The following SPOCK1 variants were observed in gnomAD, a reference collection of about 807,000 sequenced individuals.
SPOCK1 encodes the protein SPARC (osteonectin), cwcv and kazal like domains proteoglycan 1, also known as testican-1.
A neutral mutation model predicts 55.3 loss-of-function variants in SPOCK1; 23 were observed. The ratio of observed to expected loss-of-function variants is 0.42; its 90% CI spans 0.30 to 0.59. The LOEUF (loss-of-function observed/expected upper bound fraction) is 0.59, where lower values mean the gene tolerates loss of function less well. SPOCK1 is among the 20% of genes least tolerant of loss of function. The probability of loss-of-function intolerance (pLI) is 0.22; values close to 1 mark genes in which losing one functional copy is unlikely to be tolerated. For missense variants in SPOCK1, 499 were observed against 552.5 expected (o/e 0.90, Z 0.97); for synonymous variants, 226 against 221.0 (o/e 1.02, Z -0.20).
chr5:137,011,027 A>G (rs1276553268), intron 6 of SPOCK1, among the ~76,000 whole-genome samples: 4 of 152,160 alleles, frequency 2.6e-5, no homozygotes, highest in African/African-American at 4.8e-5. Flanking sequence ...CTGTGTCTCC[A>G]CAAGCTTATT....
intron 2 of SPOCK1, among the ~76,000 whole-genome samples, chr5:137,427,388 G>GT (rs1430563907): frequency 6.6e-6 from 1 of 152,156 alleles, no homozygotes; most frequent in Non-Finnish European, 1.5e-5. Context: ...TAAAAACACA[G>GT]TTTTTTTCAT....
intron 5 of SPOCK1, among the ~76,000 whole-genome samples, chr5:137,102,168 T>C (rs1037670732): frequency 1.3e-5 from 2 of 152,102 alleles, no homozygotes; most frequent in East Asian, 3.9e-4. Flanking sequence ...AAATCTTAAC[T>C]CTTATTCATA....
intron 2 of SPOCK1, among the ~76,000 whole-genome samples, chr5:137,374,160 A>G (rs145527930): frequency 1.4e-3 from 207 of 152,366 alleles, no homozygotes; most frequent in African/African-American, 4.7e-3. Context: ...GTAATAACTA[A>G]TCCTTCCAGC....
chr5:137,353,800 C>T (rs533787307), intron 2 of SPOCK1, among the ~76,000 whole-genome samples: 2 of 152,072 alleles, frequency 1.3e-5, no homozygotes, highest in Non-Finnish European at 2.9e-5. Context: ...CCGAGGTGTC[C>T]CCTCTTCAAT....
chr5:137,472,917 C>T (rs1486267699), intron 2 of SPOCK1, among the ~76,000 whole-genome samples: 1 of 152,210 alleles, frequency 6.6e-6, no homozygotes, highest in Non-Finnish European at 1.5e-5. Context: ...TACCATTCCT[C>T]ACCTATCCTG....
intron 2 of SPOCK1, among the ~76,000 whole-genome samples, chr5:137,320,708 G>T (rs915474397): frequency 2.0e-5 from 3 of 152,202 alleles, no homozygotes; most frequent in African/African-American, 7.2e-5. Flanking sequence ...GCCTAGAAAA[G>T]ATTTCTCTCC....
At chr5:137,472,957 A>G (rs757356565) in intron 2 of SPOCK1, among the ~76,000 whole-genome samples, 5 of 152,160 alleles carry the variant, frequency 3.3e-5, no homozygotes, top group Non-Finnish European at 7.3e-5. Context: ...TTCATCACAT[A>G]TTCTGTTGGC....
intron 6 of SPOCK1, among the ~76,000 whole-genome samples, chr5:137,052,742 T>C (rs1752229134): frequency 6.6e-6 from 1 of 152,198 alleles, no homozygotes; most frequent in Non-Finnish European, 1.5e-5. Flanking sequence ...GGAATATAAT[T>C]AAGTATTATT....
intron 2 of SPOCK1, among the ~76,000 whole-genome samples, chr5:137,395,357 T>C (rs1751821127): frequency 6.6e-6 from 1 of 152,192 alleles, no homozygotes; most frequent in African/African-American, 2.4e-5. Flanking sequence ...TCCCACCTGA[T>C]CTTTGGAATT....
At chr5:137,304,024 T>G (rs991464298) in intron 2 of SPOCK1, among the ~76,000 whole-genome samples, 19 of 151,756 alleles carry the variant, frequency 1.3e-4, no homozygotes, top group Non-Finnish European at 1.3e-4. Context: ...ACACTGAAAA[T>G]CTATCTACTT....
chr5:137,269,485 G>C (rs1019613187), intron 2 of SPOCK1, among the ~76,000 whole-genome samples: 1 of 152,164 alleles, frequency 6.6e-6, no homozygotes, highest in Non-Finnish European at 1.5e-5. Context: ...GAGCCCACTT[G>C]GGGGATGGTC....
intron 3 of SPOCK1, among the ~76,000 whole-genome samples, chr5:137,160,558 TATATATTATATATTATATAATATATATA>T (rs1561631615): frequency 8.7e-5 from 5 of 57,286 alleles, no homozygotes; most frequent in African/African-American, 3.9e-4. Flanking sequence ...TAATATATAT[TATATATTATATATTATATAATATATATA>T]ATATATAATA....
intron 3 of SPOCK1, among the ~76,000 whole-genome samples, chr5:137,223,760 C>T (rs908666247): frequency 2.0e-5 from 3 of 151,914 alleles, no homozygotes; most frequent in East Asian, 1.9e-4. Context: ...AAACATGAAC[C>T]GTTAGCTGAC....
intron 5 of SPOCK1, among the ~76,000 whole-genome samples, chr5:137,090,854 T>G (rs1195684512): frequency 6.6e-6 from 1 of 152,160 alleles, no homozygotes; most frequent in Non-Finnish European, 1.5e-5. Context: ...CTCAGGCACC[T>G]GCAGTCATGA....
At chr5:137,394,159 G>T (rs1751790409) in intron 2 of SPOCK1, among the ~76,000 whole-genome samples, 1 of 152,030 alleles carries the variant, frequency 6.6e-6, no homozygotes, top group Admixed American at 6.6e-5. Flanking sequence ...TACTTTTTTA[G>T]TGTCATTCAT....
At chr5:137,054,344 C>G (rs115241598) in intron 6 of SPOCK1, among the ~76,000 whole-genome samples, 119 of 152,254 alleles carry the variant, frequency 7.8e-4, no homozygotes, top group African/African-American at 2.8e-3. Flanking sequence ...GTATAAGACT[C>G]CCTCTCAACA....
chr5:137,170,538 C>A (rs992995099), intron 3 of SPOCK1, among the ~76,000 whole-genome samples: 9 of 152,018 alleles, frequency 5.9e-5, no homozygotes, highest in Non-Finnish European at 1.0e-4. Flanking sequence ...CTACCATGAT[C>A]ACATCAGTGC....
chr5:137,059,025 A>C (rs557332350), intron 6 of SPOCK1, among the ~76,000 whole-genome samples: 1 of 136,590 alleles, frequency 7.3e-6, no homozygotes, highest in East Asian at 2.1e-4. Flanking sequence ...AGGGGACTAC[A>C]TAATCTGATT....
intron 2 of SPOCK1, among the ~76,000 whole-genome samples, chr5:137,387,586 G>A (rs1263304208): frequency 6.6e-6 from 1 of 152,234 alleles, no homozygotes; most frequent in African/African-American, 2.4e-5. Context: ...TTAGGGCAGT[G>A]AAACTAGTCT....
Sources: allele counts gnomAD v4.1 joint callset (sites outside exome capture counted in the v4.1 genomes callset), GRCh38; gene constraint gnomAD v4.1.1; transcripts MANE v1.5; gene names NCBI Gene and HGNC (gene_info 2026-07-23, HGNC 2026-07-21).